The following CLIC6 variants were observed in gnomAD, a reference collection of about 807,000 sequenced individuals.
CLIC6 encodes CLIC family member 6, also known as chloride intracellular channel protein 6.
In CLIC6, 39 loss-of-function variants were observed where a neutral mutation model predicts 49.2. That is an observed-to-expected ratio of 0.79 (90% CI 0.61 to 1.04). The LOEUF is 1.04. CLIC6 is among the 50% of genes least tolerant of loss of function. CLIC6 has a pLI of 0.00. For missense variants in CLIC6, 988 were observed against 993.1 expected (o/e 0.99, Z 0.07); for synonymous variants, 446 against 433.4 (o/e 1.03, Z -0.36).
At chr21:34,702,529 G>C (rs540278842) in intron 1 of CLIC6, among the ~76,000 whole-genome samples, 3 of 152,262 alleles carry the variant, frequency 2.0e-5, no homozygotes, top group South Asian at 2.1e-4. Context: ...AACCCCGTAC[G>C]TCAACCCCCT....
intron 1 of CLIC6, among the ~76,000 whole-genome samples, chr21:34,672,473 C>G (rs368621139): frequency 6.6e-6 from 1 of 152,174 alleles, no homozygotes; most frequent in African/African-American, 2.4e-5. Context: ...TTCTCCTCCT[C>G]GCCCCTGTCT....
At chr21:34,691,695 T>C (rs1210318795) in intron 1 of CLIC6, among the ~76,000 whole-genome samples, 2 of 152,214 alleles carry the variant, frequency 1.3e-5, no homozygotes, top group Non-Finnish European at 2.9e-5. Context: ...TGGTGTTTGG[T>C]CCTACAGCAC....
intron 1 of CLIC6, chr21:34,705,962 C>G: frequency 1.6e-6 from 1 of 619,966 alleles, no homozygotes; most frequent in Non-Finnish European, 2.9e-6. Flanking sequence ...GCAGCAGGAC[C>G]CACTGAATCA....
intron 1 of CLIC6, among the ~76,000 whole-genome samples, chr21:34,683,580 A>G (rs904711182): frequency 6.6e-6 from 1 of 152,212 alleles, no homozygotes; most frequent in African/African-American, 2.4e-5. Context: ...TCGAATTGTA[A>G]TCTCCACATG....
chr21:34,704,215 C>T (rs1318396137), intron 1 of CLIC6, among the ~76,000 whole-genome samples: 3 of 152,058 alleles, frequency 2.0e-5, no homozygotes, highest in African/African-American at 7.2e-5. Context: ...TGAATATGAC[C>T]AAGGCCATCC....
chr21:34,684,212 G>A (rs1419032521), intron 1 of CLIC6, among the ~76,000 whole-genome samples: 3 of 152,080 alleles, frequency 2.0e-5, no homozygotes, highest in African/African-American at 7.3e-5. Flanking sequence ...GTGTAACAGT[G>A]ATTAGAACAA....
At chr21:34,710,408 G>A (rs533156222) in intron 5 of CLIC6, among the ~76,000 whole-genome samples, 7 of 152,296 alleles carry the variant, frequency 4.6e-5, no homozygotes, top group African/African-American at 1.7e-4. Context: ...TATAGTAGCT[G>A]AACATGATTT....
Position 34,711,396 on chromosome 21 carries a change from G to A in CLIC6, c.1899+1858G>A, listed in dbSNP as rs895566035. On this transcript the variant is annotated intron_variant, in intron 5 of 5. Coordinates refer to ENST00000349499, the MANE Select transcript of CLIC6 (RefSeq NM_053277.3). ...AAAATAAAAAAATTAGCTAGGTGTG[G>A]TGGTGTGCGCCTGTAGTCCCATGCA... Among the ~76,000 whole-genome samples, 7 of 152,114 alleles carry A rather than the reference G, an allele frequency of 4.6e-5. 1 individual carries two copies. The highest frequency in any genetic ancestry group is 7.2e-5 in the African/African-American group (3 of 41,420).
At chr21:34,684,347 A>C (rs2145803208) in intron 1 of CLIC6, among the ~76,000 whole-genome samples, 1 of 152,314 alleles carries the variant, frequency 6.6e-6, no homozygotes, top group South Asian at 2.1e-4. Context: ...GCAGGCTGGC[A>C]GGCTGGGCAG....
At chr21:34,711,821 C>T (rs2056058538) in intron 5 of CLIC6, among the ~76,000 whole-genome samples, 1 of 152,152 alleles carries the variant, frequency 6.6e-6, no homozygotes, top group African/African-American at 2.4e-5. Flanking sequence ...ATAGCTTTGC[C>T]AGTCCACCAA....
At chr21:34,699,209 G>C (rs1568966260) in intron 1 of CLIC6, among the ~76,000 whole-genome samples, 6 of 152,128 alleles carry the variant, frequency 3.9e-5, no homozygotes, top group Admixed American at 3.3e-4. Flanking sequence ...CTTACCTGAA[G>C]TCAGAGTAGG....
At chr21:34,696,966 C>T (rs942940480) in intron 1 of CLIC6, among the ~76,000 whole-genome samples, 1 of 152,094 alleles carries the variant, frequency 6.6e-6, no homozygotes, top group Non-Finnish European at 1.5e-5. Flanking sequence ...GTACACAGGG[C>T]ACTCTTTTCT....
chr21:34,716,200 G>A, intron 5 of CLIC6, 121 bp from the exon 6 acceptor site: 1 of 840,998 alleles, frequency 1.2e-6, no homozygotes, highest in Non-Finnish European at 1.9e-6. Context: ...CCGGATGACT[G>A]TGGGATGACA....
rs946433979 is a variant in CLIC6 at position 34,670,218 on chromosome 21, G to T, written c.830G>T (p.Gly277Val). The change falls in exon 1 of 6, where the codon GGG becomes GTG. Residue 277 changes from glycine to valine, a missense_variant. Coordinates refer to ENST00000349499, the MANE Select transcript of CLIC6 (RefSeq NM_053277.3). ...AGCGTAGAAGCCGAAGGCCCGGCGG[G>T]GGACAGCATGGACGCCGAGGGTCCG... Reference protein sequence around the residue: ...GDSVEAEGPAGDSMDAEGPAG... With the variant: ...GDSVEAEGPAVDSMDAEGPAG... 4 of 1,413,874 alleles carry T rather than the reference G, an allele frequency of 2.8e-6. No homozygotes were observed. The African/African-American group carries it at 4.5e-5, about 16-fold the overall frequency. The allele number at this position is 1,413,874 out of a possible 1,614,324, so 87.6% of individuals were successfully genotyped here.
At position 34,710,545 on chromosome 21, in the gene CLIC6, G is replaced by A. The variant is rs548657874; in HGVS notation, c.1899+1007G>A. On this transcript the variant is annotated intron_variant, in intron 5 of 5. Transcript: ENST00000349499. The stretch of plus-strand genomic sequence containing the variant: ...TGTGAGTCCCCGGGCCAGGCATGGC[G>A]GCTCACGCCTGTAATCCCAGCACTT... 3.3e-4 allele frequency among the ~76,000 whole-genome samples: 50 copies of A among 152,316 alleles called. 1 individual carries two copies. Among genetic ancestry groups the A allele is most frequent in the African/African-American group, 1.1e-3 (46 of 41,568 alleles).
intron 5 of CLIC6, among the ~76,000 whole-genome samples, chr21:34,714,259 G>A (rs1253781258): frequency 1.6e-4 from 25 of 152,224 alleles, no homozygotes; most frequent in Admixed American, 1.6e-3. Flanking sequence ...TATACGGACA[G>A]AATAGAGTCA....
intron 1 of CLIC6, among the ~76,000 whole-genome samples, chr21:34,681,062 CT>C (rs1989770402): frequency 6.6e-6 from 1 of 152,216 alleles, no homozygotes; most frequent in Non-Finnish European, 1.5e-5. Context: ...CATTCTCATA[CT>C]GCAATAAAGA....
intron 1 of CLIC6, among the ~76,000 whole-genome samples, chr21:34,673,306 T>C (rs1989602265): frequency 6.6e-6 from 1 of 152,136 alleles, no homozygotes; most frequent in Non-Finnish European, 1.5e-5. Context: ...TTTTTTTTAA[T>C]TGAGACAGGT....
chr21:34,700,377 G>C lies in CLIC6; in HGVS notation c.1375-6903G>C, dbSNP rs1990165319. Among the ~76,000 whole-genome samples the C allele has an allele frequency of 1.5e-5, 2 of 134,510 alleles. 1 individual carries two copies. Among genetic ancestry groups the C allele is most frequent in the African/African-American group, 6.1e-5 (2 of 32,714 alleles). 88.2% of individuals were successfully genotyped at this position (134,510 alleles called of 152,430 possible). A position where few individuals can be genotyped will look rare whatever the true frequency, so the allele number is the denominator to read the frequency against. On this transcript the variant is annotated intron_variant, in intron 1 of 5. Coordinates refer to ENST00000349499, the MANE Select transcript of CLIC6 (RefSeq NM_053277.3). ...CAGGAGAATGGCGTGAACCCGGGAGGCGGAGCTTGCAGTGAGCCGAGATCG... is the reference window on the plus strand; with the variant it reads ...CAGGAGAATGGCGTGAACCCGGGAGCCGGAGCTTGCAGTGAGCCGAGATCG...
Sources: gnomAD v4.1 joint callset for allele counts (sites outside exome capture counted in the v4.1 genomes callset) on GRCh38, gnomAD v4.1.1 for gene constraint, MANE v1.5 for transcripts, NCBI Gene and HGNC (gene_info 2026-07-23, HGNC 2026-07-21) for gene names.